FGF13: variants seen among roughly 807,000 people sequenced by gnomAD.
FGF13 encodes fibroblast growth factor 13.
Under a neutral mutation model 19.5 loss-of-function variants are expected in FGF13, and 2 were observed. That is an observed-to-expected ratio of 0.10 (90% CI 0.04 to 0.32). The LOEUF (loss-of-function observed/expected upper bound fraction) is 0.32. FGF13 is among the 10% of genes least tolerant of loss of function. The pLI is 1.00. For missense variants in FGF13, 113 were observed against 192.7 expected (o/e 0.59, Z 2.45); for synonymous variants, 72 against 76.9 (o/e 0.94, Z 0.33).
At chrX:138,856,910 G>A (rs898118543), downstream of FGF13, among the ~76,000 whole-genome samples, 1 of 111,842 alleles carries the variant, frequency 8.9e-6, no homozygotes, top group Non-Finnish European at 1.9e-5. Context: ...GTAACAGCAA[G>A]TAGAGTTGTC....
intron 1 of FGF13, among the ~76,000 whole-genome samples, chrX:139,079,364 C>T (rs2083354417): frequency 9.2e-6 from 1 of 108,991 alleles, no homozygotes; most frequent in Middle Eastern, 4.7e-3. Context: ...GAGAACAAGA[C>T]AGTTGCCTAA....
chrX:139,004,618 C>T lies in FGF13; in HGVS notation c.-112-139968G>A, dbSNP rs767008921. On this transcript the variant is annotated intron_variant, in intron 1 of 2. Transcript: ENST00000421460. ...AGCTCAGCCACAAAGGGACAGAACACCAAGAGCGCTTTTGAGGTACTCAAT... is the reference window on the plus strand; with the variant it reads ...AGCTCAGCCACAAAGGGACAGAACATCAAGAGCGCTTTTGAGGTACTCAAT... Among the ~76,000 whole-genome samples, 3 of 112,622 alleles carry T rather than the reference C, an allele frequency of 2.7e-5. No individual in the cohort carries two copies. In the South Asian group the frequency reaches 1.1e-3, roughly 42 times the overall value.
intron 1 of FGF13, among the ~76,000 whole-genome samples, chrX:139,005,460 G>A (rs1468122436): frequency 9.1e-6 from 1 of 110,071 alleles, no homozygotes; most frequent in Non-Finnish European, 1.9e-5. Flanking sequence ...CAAGGAGGAT[G>A]CATACAAACA....
chrX:139,161,517 T>C (rs5976293), intron 1 of FGF13, among the ~76,000 whole-genome samples: 114 of 111,083 alleles, frequency 1.0e-3, no homozygotes, highest in African/African-American at 3.4e-3. Flanking sequence ...CTCTTAGCCC[T>C]CCTATTCAAT....
intron 1 of FGF13, among the ~76,000 whole-genome samples, chrX:139,062,958 T>G (rs1022305666): frequency 3.6e-5 from 4 of 112,155 alleles, no homozygotes; most frequent in East Asian, 2.8e-4. Flanking sequence ...CTGAGGGATA[T>G]TCTCTAAGTT....
intron 3 of FGF13, among the ~76,000 whole-genome samples, chrX:138,843,702 C>G (rs767919453): frequency 9.0e-6 from 1 of 111,577 alleles, no homozygotes; most frequent in South Asian, 3.8e-4. Context: ...GGAAAAAAAC[C>G]TTCAAATACA....
Position 138,708,798 on chromosome X carries a change from T to A in FGF13, c.298+20A>T. 9.7e-7 allele frequency: 1 copy of A among 1,026,946 alleles called. No homozygotes were observed. The allele number at this position is 1,026,946 out of a possible 1,213,427, so 84.6% of individuals were successfully genotyped here. A position where few individuals can be genotyped will look rare whatever the true frequency, so the allele number is the denominator to read the frequency against. On this transcript the variant is annotated intron_variant, in intron 2 of 4. Transcript: ENST00000315930. ...GTTAACAACATGCTGGCATATACTA[T>A]TTATTTTGCAGTCACTTACTGTAAG...
At chrX:138,768,618 T>C (rs1482718983) in intron 3 of FGF13, among the ~76,000 whole-genome samples, 2 of 107,595 alleles carry the variant, frequency 1.9e-5, no homozygotes, top group Non-Finnish European at 3.8e-5. Context: ...TGCAATGATC[T>C]GAATGAATAC....
At chrX:138,864,194 G>C (rs1458124841) in intron 2 of FGF13, among the ~76,000 whole-genome samples, 1 of 112,268 alleles carries the variant, frequency 8.9e-6, no homozygotes, top group Non-Finnish European at 1.9e-5. Context: ...TCTTTGTGAA[G>C]AGTTAGCTCC....
At chrX:139,000,382 G>T (rs917116673) in intron 1 of FGF13, among the ~76,000 whole-genome samples, 2 of 111,961 alleles carry the variant, frequency 1.8e-5, no homozygotes, top group Non-Finnish European at 3.8e-5. Context: ...AACAGGAAAA[G>T]AGGAAATCAA....
intron 3 of FGF13, among the ~76,000 whole-genome samples, chrX:138,793,065 A>C (rs1200630860): frequency 1.8e-5 from 2 of 111,509 alleles, no homozygotes; most frequent in Non-Finnish European, 3.8e-5. Context: ...TAAGAAGAGG[A>C]AGTGATGCGA....
At chrX:138,707,387 C>T (rs2090002582) in intron 2 of FGF13, among the ~76,000 whole-genome samples, 1 of 111,195 alleles carries the variant, frequency 9.0e-6, no homozygotes, top group African/African-American at 3.3e-5. Context: ...GGCTCACTGG[C>T]AGCTAATCAT....
intron 1 of FGF13, among the ~76,000 whole-genome samples, chrX:139,177,960 G>A (rs2084203685): frequency 8.9e-6 from 1 of 112,058 alleles, no homozygotes; most frequent in Non-Finnish European, 1.9e-5. Flanking sequence ...GTCCCTCATG[G>A]GGAGGGACTT....
intron 1 of FGF13, among the ~76,000 whole-genome samples, chrX:139,034,083 C>G (rs953184463): frequency 1.8e-5 from 2 of 111,519 alleles, no homozygotes; most frequent in African/African-American, 6.5e-5. Context: ...GCCTTTCAAA[C>G]ATGAAAAACA....
intron 1 of FGF13, among the ~76,000 whole-genome samples, chrX:138,939,072 A>C (rs959195581): frequency 1.8e-5 from 2 of 112,220 alleles, no homozygotes; most frequent in Non-Finnish European, 3.8e-5. Flanking sequence ...TTGCTTTTAA[A>C]GTACTTGGAG....
intron 1 of FGF13, among the ~76,000 whole-genome samples, chrX:139,138,981 G>A (rs1235039090): frequency 9.7e-6 from 1 of 102,574 alleles, no homozygotes; most frequent in Non-Finnish European, 2.0e-5. Flanking sequence ...CTAGGCTGGA[G>A]TGCAGTGGTG....
At chrX:139,078,544 A>G (rs1231314963) in intron 1 of FGF13, among the ~76,000 whole-genome samples, 3 of 112,925 alleles carry the variant, frequency 2.7e-5, no homozygotes, top group Non-Finnish European at 5.6e-5. Context: ...GCTATTGCAC[A>G]ATCAAGAAGC....
intron 1 of FGF13, among the ~76,000 whole-genome samples, chrX:139,059,481 G>A (rs728187): frequency 0.014 from 1,508 of 110,347 alleles, 11 homozygotes; most frequent in Non-Finnish European, 0.023. Context: ...AAGGCCAGGA[G>A]GACCTCTCTG....
In FGF13 at chrX:138,623,475, C is replaced by CA. The variant is rs1372075675; in HGVS notation, c.*9374dup. 1.8e-5 allele frequency: 2 copies of CA among 111,152 alleles called. No homozygotes were observed. The highest frequency in any genetic ancestry group is 2.9e-4 in the East Asian group (1 of 3,500). 9.2% of individuals were successfully genotyped at this position (111,152 alleles called of 1,213,427 possible). A position where few individuals can be genotyped will look rare whatever the true frequency, so the allele number is the denominator to read the frequency against. On this transcript the variant is annotated 3_prime_UTR_variant, in exon 5 of 5. Transcript: ENST00000315930. ...TTCTGTACACTAACAATGAACTATC[C>CA]AAAAAATAAATTAGTGGCTGGGTGC...
Sources: allele counts gnomAD v4.1 joint callset (sites outside exome capture counted in the v4.1 genomes callset), GRCh38; gene constraint gnomAD v4.1.1; transcripts MANE v1.5; gene names NCBI Gene and HGNC (gene_info 2026-07-23, HGNC 2026-07-21).